The following POLQ variants were observed in gnomAD, a reference collection of about 807,000 sequenced individuals.
The protein encoded by POLQ is epididymis secretory sperm binding protein.
In POLQ, 233 loss-of-function variants were observed where a neutral mutation model predicts 259.2. The ratio of observed to expected loss-of-function variants is 0.90; its 90% CI spans 0.81 to 1.00. POLQ has a LOEUF of 1.00. POLQ is among the 50% of genes least tolerant of loss of function. The probability of loss-of-function intolerance (pLI) is 0.00; values close to 1 mark genes in which losing one functional copy is unlikely to be tolerated. For missense variants in POLQ, 2,871 were observed against 3,051.6 expected (o/e 0.94, Z 1.39); for synonymous variants, 1,025 against 1,048.8 (o/e 0.98, Z 0.44).
intron 7 of POLQ, among the ~76,000 whole-genome samples, chr3:121,526,861 G>C (rs183563950): frequency 7.4e-6 from 1 of 135,504 alleles, no homozygotes; most frequent in Non-Finnish European, 1.6e-5. Flanking sequence ...GTGTGTGTGC[G>C]TGTGTGTCTC....
At position 121,490,171 on chromosome 3, in the gene POLQ, T is replaced by A. The variant is rs772769892; in HGVS notation, c.2760A>T (p.Glu920Asp). 22 of 1,612,348 alleles carry A rather than the reference T, an allele frequency of 1.4e-5. No homozygotes were observed. In the African/African-American group the frequency reaches 2.9e-4, roughly 22 times the overall value. Residue 920 changes from glutamate to aspartate, a missense_variant, in exon 16 of 30, where the codon GAA becomes GAT. Physicochemically the swap from Glu to Asp is conservative, Grantham distance 45. This residue lies in a region of POLQ where 2,080 missense variants were observed against 2,126.0 expected (regional missense o/e 0.98). Coordinates refer to ENST00000264233, the MANE Select transcript of POLQ (RefSeq NM_199420.4). ...SLTHSESEVKEHTFISQTKSS... is the reference protein window; with the variant it reads ...SLTHSESEVKDHTFISQTKSS... Reference sequence around the variant, plus strand: ...TCTTAGTTTGGGATATAAATGTGTGTTCCTTTACTTCGGACTCACTATGAG... The same window carrying A: ...TCTTAGTTTGGGATATAAATGTGTGATCCTTTACTTCGGACTCACTATGAG...
At chr3:121,503,289 T>C (rs1021127989) in intron 12 of POLQ, among the ~76,000 whole-genome samples, 5 of 152,232 alleles carry the variant, frequency 3.3e-5, no homozygotes, top group African/African-American at 1.2e-4. Context: ...CTATACCATC[T>C]ACATTTGTGT....
At chr3:121,543,753 G>A (rs74641975) in intron 2 of POLQ, among the ~76,000 whole-genome samples, 3 of 152,258 alleles carry the variant, frequency 2.0e-5, no homozygotes, top group East Asian at 3.9e-4. Context: ...GGAGGCTGAG[G>A]TGCGTGGATC....
At chr3:121,507,040 G>A (rs1051046498) in intron 12 of POLQ, among the ~76,000 whole-genome samples, 1 of 152,114 alleles carries the variant, frequency 6.6e-6, no homozygotes, top group Non-Finnish European at 1.5e-5. Flanking sequence ...TGAAGGATAT[G>A]TATGTCTGAT....
At chr3:121,465,953 G>T (rs1047793860) in intron 24 of POLQ, among the ~76,000 whole-genome samples, 3 of 152,170 alleles carry the variant, frequency 2.0e-5, no homozygotes, top group African/African-American at 7.2e-5. Context: ...AGCTTATGAG[G>T]AAGGCATGTC....
At chr3:121,452,271 C>G (rs2047684626) in intron 25 of POLQ, among the ~76,000 whole-genome samples, 1 of 152,148 alleles carries the variant, frequency 6.6e-6, no homozygotes, top group Admixed American at 6.5e-5. Flanking sequence ...TCGGCTCACG[C>G]TCGGTGGGCT....
In POLQ at chr3:121,489,230, G is replaced by A; in HGVS notation, c.3701C>T (p.Thr1234Ile). ...AAGCTTTATCCTTTCACAATTGATAGTAACATTTGAGTCTCTATTTATGTA... is the reference window on the plus strand; with the variant it reads ...AAGCTTTATCCTTTCACAATTGATAATAACATTTGAGTCTCTATTTATGTA... ...SSYINRDSNV[T>I]INCERIKLNT... The change falls in exon 16 of 30, where the codon ACT becomes ATT. Residue 1234 changes from threonine to isoleucine, a missense_variant. This residue lies in a region of POLQ where 2,080 missense variants were observed against 2,126.0 expected (regional missense o/e 0.98). Transcript: ENST00000264233. 5.0e-6 allele frequency: 8 copies of A among 1,611,636 alleles called. No homozygotes were observed. Among genetic ancestry groups the A allele is most frequent in the Non-Finnish European group, 6.8e-6 (8 of 1,178,838 alleles).
chr3:121,481,949 CAGGAAAGA>C (rs1309125132), intron 18 of POLQ, 137 bp from the exon 19 acceptor site: 3 of 785,550 alleles, frequency 3.8e-6, no homozygotes, highest in Non-Finnish European at 5.9e-6. Context: ...GTGGTCTTCC[CAGGAAAGA>C]AGGAAAGAAT....
In POLQ at chr3:121,488,099, TG is replaced by T. The variant is rs1200926710; in HGVS notation, c.4831del (p.Gln1611LysfsTer10). 1 of 1,613,966 alleles carries T rather than the reference TG, an allele frequency of 6.2e-7. No individual in the cohort carries two copies. Among genetic ancestry groups the T allele is most frequent in the Non-Finnish European group, 8.5e-7 (1 of 1,179,916 alleles). ...TTTTGATTTTTCAGCCCTTTCATCT[TG>T]ATCTCCTCCATCTTGATCACCTTGG... ...HHQGDQDGGD[Q>X]DERAEKSKLT... is the part of the protein sequence containing the mutation. On this transcript the variant is annotated frameshift_variant, in exon 16 of 30. Coordinates refer to ENST00000264233, the MANE Select transcript of POLQ (RefSeq NM_199420.4). LOFTEE classifies it high-confidence loss of function.
intron 13 of POLQ, among the ~76,000 whole-genome samples, chr3:121,498,070 G>A (rs543735139): frequency 5.9e-5 from 9 of 152,246 alleles, no homozygotes; most frequent in African/African-American, 2.2e-4. Flanking sequence ...CAGCACTTTG[G>A]GAGGCGGAGG....
chr3:121,449,416 C>T lies in POLQ; in HGVS notation c.7163G>A (p.Gly2388Glu). 6.4e-7 allele frequency: 1 copy of T among 1,568,216 alleles called. No homozygotes were observed. Residue 2388 changes from glycine to glutamate, a missense_variant, in exon 26 of 30, where the codon GGG becomes GAG. This residue lies in a region of POLQ where 2,080 missense variants were observed against 2,126.0 expected (regional missense o/e 0.98). Transcript: ENST00000264233. ...LRQQAKQICY[G>E]IIYGMGAKSL... ...TTTAGCTCCCATTCCATAAATGATC[C>T]CATAGCAAATCTGAAAGGGAGTCAT...
chr3:121,465,701 T>C (rs1343126415), intron 24 of POLQ, among the ~76,000 whole-genome samples: 1 of 152,194 alleles, frequency 6.6e-6, no homozygotes, highest in African/African-American at 2.4e-5. Flanking sequence ...ATTATTACAA[T>C]CCATGAACCA....
intron 24 of POLQ, among the ~76,000 whole-genome samples, chr3:121,461,655 A>C (rs1359376539): frequency 7.2e-6 from 1 of 138,274 alleles, no homozygotes; most frequent in African/African-American, 2.7e-5. Context: ...GTCTCAAAAA[A>C]AAAAAAAAAG....
intron 22 of POLQ, 103 bp downstream of exon 22, chr3:121,471,887 C>T: frequency 5.3e-6 from 3 of 567,552 alleles, no homozygotes; most frequent in Non-Finnish European, 8.7e-6. Context: ...TCACCGAACC[C>T]CTTGATCAAC....
chr3:121,525,930 C>T (rs1224328697), intron 7 of POLQ, among the ~76,000 whole-genome samples: 3 of 151,966 alleles, frequency 2.0e-5, no homozygotes, highest in Non-Finnish European at 4.4e-5. Flanking sequence ...TTCATGATTT[C>T]GTTCATACCT....
intron 25 of POLQ, among the ~76,000 whole-genome samples, chr3:121,453,988 C>T: frequency 6.6e-6 from 1 of 152,178 alleles, no homozygotes; most frequent in Non-Finnish European, 1.5e-5. Context: ...AGACAAAGGT[C>T]GGGTTACCCA....
At chr3:121,475,947 GA>G (rs993908528) in intron 20 of POLQ, among the ~76,000 whole-genome samples, 4 of 141,690 alleles carry the variant, frequency 2.8e-5, no homozygotes, top group East Asian at 2.0e-4. Flanking sequence ...ATACCAAAAA[GA>G]AAAAAAAAAG....
At chr3:121,545,668 G>C (rs1175892744) in intron 1 of POLQ, 47 bp downstream of exon 1, 1 of 1,503,280 alleles carries the variant, frequency 6.7e-7, no homozygotes, top group East Asian at 2.5e-5. Context: ...CCCATGGCCC[G>C]GCGGAGCTGC....
intron 17 of POLQ, among the ~76,000 whole-genome samples, 166 bp from the exon 18 acceptor site, chr3:121,483,748 T>A (rs1473590487): frequency 1.3e-5 from 2 of 152,150 alleles, no homozygotes; most frequent in Non-Finnish European, 2.9e-5. Context: ...ATATCAGCTA[T>A]GTAGATGAAG....
Sources: allele counts gnomAD v4.1 joint callset (sites outside exome capture counted in the v4.1 genomes callset), GRCh38; gene constraint gnomAD v4.1.1; regional missense constraint gnomAD v4.1.1; transcripts MANE v1.5; gene names NCBI Gene and HGNC (gene_info 2026-07-23, HGNC 2026-07-21).